Variants in CCDC93 observed in about 807,000 individuals in gnomAD.
The protein encoded by CCDC93 is coiled-coil domain-containing protein 93.
CCDC93 carries 61 observed loss-of-function variants against 108.2 expected under a neutral mutation model. That is an observed-to-expected ratio of 0.56 (90% CI 0.46 to 0.70). The LOEUF (loss-of-function observed/expected upper bound fraction) is 0.70, where lower values mean the gene tolerates loss of function less well. CCDC93 is among the 30% of genes least tolerant of loss of function. The pLI is 0.00. For synonymous variants in CCDC93, 276 were observed against 260.4 expected (o/e 1.06, Z -0.58); for missense variants, 685 against 764.2 (o/e 0.90, Z 1.22).
chr2:117,989,721 T>TA (rs1680420727), intron 6 of CCDC93, among the ~76,000 whole-genome samples: 1 of 152,212 alleles, frequency 6.6e-6, no homozygotes, highest in Non-Finnish European at 1.5e-5. Context: ...GCAGAGCTGT[T>TA]ACGAAAATAA....
chr2:117,965,135 CCCCTCCTGATTTTAGACCCCCAAA>C (rs1327012772), intron 11 of CCDC93, among the ~76,000 whole-genome samples: 1 of 151,700 alleles, frequency 6.6e-6, no homozygotes, highest in Non-Finnish European at 1.5e-5. Flanking sequence ...TAGACCCCCA[CCCCTCCTGATTTTAGACCCCCAAA>C]CCCTCCTGGG....
intron 11 of CCDC93, among the ~76,000 whole-genome samples, chr2:117,967,043 A>G (rs1679606484): frequency 6.6e-6 from 1 of 152,268 alleles, no homozygotes; most frequent in African/African-American, 2.4e-5. Context: ...CCCAGGCTGG[A>G]GTGCAGTGGC....
chr2:118,007,631 T>C (rs537885303), intron 2 of CCDC93, among the ~76,000 whole-genome samples: 67 of 152,310 alleles, frequency 4.4e-4, no homozygotes, highest in African/African-American at 1.4e-3. Context: ...ATTGAGCCAT[T>C]GCACTCCAGC....
Position 117,919,050 on chromosome 2 carries a change from A to G in CCDC93, c.*1293T>C, listed in dbSNP as rs1346937336. 6.6e-6 allele frequency: 1 copy of G among 152,194 alleles called. No individual in the cohort carries two copies. The highest frequency in any genetic ancestry group is 1.9e-4 in the East Asian group (1 of 5,190). The allele number at this position is 152,194 out of a possible 1,614,324, so 9.4% of individuals were successfully genotyped here. On this transcript the variant is annotated 3_prime_UTR_variant, in exon 24 of 24. Transcript: ENST00000376300. ...ACCTGCCACCTGGTATGTTTGCAAG[A>G]TTTATGCAAAATGGAGCACAAACCT...
intron 6 of CCDC93, among the ~76,000 whole-genome samples, chr2:117,993,213 G>A (rs912490046): frequency 3.9e-5 from 6 of 151,982 alleles, no homozygotes; most frequent in South Asian, 4.1e-4. Context: ...TGGCTAACAC[G>A]GTGAAACCCC....
chr2:117,924,438 C>G (rs915634043), intron 23 of CCDC93, among the ~76,000 whole-genome samples: 2 of 152,088 alleles, frequency 1.3e-5, no homozygotes, highest in Non-Finnish European at 2.9e-5. Context: ...CCTTAAAGGA[C>G]GTGATGGAGC....
At chr2:117,941,420 C>T in intron 18 of CCDC93, 123 bp from the exon 19 acceptor site, 1 of 684,930 alleles carries the variant, frequency 1.5e-6, no homozygotes, top group Non-Finnish European at 2.6e-6. Context: ...AATGCAGGCA[C>T]AAACTCCTGC....
chr2:117,977,876 C>T, intron 8 of CCDC93, 118 bp downstream of exon 8: 1 of 889,060 alleles, frequency 1.1e-6, no homozygotes, highest in Non-Finnish European at 1.8e-6. Flanking sequence ...CCAAAGGCAG[C>T]TCACACATCC....
At position 118,014,057 on chromosome 2, in the gene CCDC93, C is replaced by G; in HGVS notation, c.-62G>C. On this transcript the variant is annotated 5_prime_UTR_variant, in exon 1 of 24. Coordinates refer to ENST00000376300, the MANE Select transcript of CCDC93 (RefSeq NM_019044.5). ...CGCCAAGCGTCCGGAGGAAGCTGTC[C>G]CTGCCGCGGAGCTGCTACCGGGGTG... 4 of 1,566,394 alleles carry G rather than the reference C, an allele frequency of 2.6e-6. No homozygotes were observed. Among genetic ancestry groups the G allele is most frequent in the Non-Finnish European group, 3.5e-6 (4 of 1,156,216 alleles).
rs1323525163 is a variant in CCDC93, at chr2:117,919,572, T to G, written c.*771A>C. 1 of 152,238 alleles carries G rather than the reference T, an allele frequency of 6.6e-6. No individual in the cohort carries two copies. Among genetic ancestry groups the G allele is most frequent in the African/African-American group, 2.4e-5 (1 of 41,462 alleles). 9.4% of individuals were successfully genotyped at this position (152,238 alleles called of 1,614,324 possible). On this transcript the variant is annotated 3_prime_UTR_variant, in exon 24 of 24. Transcript: ENST00000376300. ...GGGGATGCACAGCCCCTCTGCATGCTGTGACTCACATGAACATTGGGGCAG... is the reference window on the plus strand; with the variant it reads ...GGGGATGCACAGCCCCTCTGCATGCGGTGACTCACATGAACATTGGGGCAG...
rs1558790936 is a variant in CCDC93 at position 117,975,180 on chromosome 2, C to T, written c.750+8G>A. The T allele has an allele frequency of 9.3e-6, 15 of 1,611,228 alleles. No homozygotes were observed. The highest frequency in any genetic ancestry group is 1.1e-5 in the Non-Finnish European group (13 of 1,177,584). On this transcript the variant is annotated splice_region_variant and intron_variant, in intron 9 of 23. Coordinates refer to ENST00000376300, the MANE Select transcript of CCDC93 (RefSeq NM_019044.5). ...AGAAACCTCAGAGGGCCTACATGGA[C>T]CACACACCTCTTCAGCTGCTCGAAG...
At position 117,991,719 on chromosome 2, in the gene CCDC93, C is replaced by T. The variant is rs141099722; in HGVS notation, c.519+3727G>A. Among the ~76,000 whole-genome samples, 554 of 152,264 alleles carry T rather than the reference C, an allele frequency of 3.6e-3. 6 individuals carry two copies. The highest frequency in any genetic ancestry group is 0.013 in the African/African-American group (534 of 41,560). On this transcript the variant is annotated intron_variant, in intron 6 of 23. Transcript: ENST00000376300. The stretch of plus-strand genomic sequence containing the variant: ...GCAGCTCCACACCTATTTTATAAAA[C>T]GCTGGGTCTAAAAACTAGGCATCTA...
Position 117,975,176 on chromosome 2 carries a change from T to G in CCDC93, c.750+12A>C. ...ACACAGAAACCTCAGAGGGCCTACA[T>G]GGACCACACACCTCTTCAGCTGCTC... On this transcript the variant is annotated intron_variant, in intron 9 of 23. Transcript: ENST00000376300. 3 of 1,609,962 alleles carry G rather than the reference T, an allele frequency of 1.9e-6. No individual in the cohort carries two copies. Among genetic ancestry groups the G allele is most frequent in the Non-Finnish European group, 2.5e-6 (3 of 1,176,498 alleles).
chr2:117,973,544 C>T (rs538784600), intron 11 of CCDC93, among the ~76,000 whole-genome samples: 100 of 152,126 alleles, frequency 6.6e-4, no homozygotes, highest in African/African-American at 2.4e-3. Flanking sequence ...TCCTAAGTGG[C>T]AAAGCTTCAT....
intron 7 of CCDC93, among the ~76,000 whole-genome samples, chr2:117,983,129 T>C (rs574738230): frequency 1.5e-4 from 23 of 152,328 alleles, no homozygotes; most frequent in African/African-American, 4.3e-4. Flanking sequence ...AGCAAGAGAC[T>C]GAAAATTAAA....
chr2:117,926,842 C>T (rs1340349163), intron 23 of CCDC93, among the ~76,000 whole-genome samples: 8 of 152,082 alleles, frequency 5.3e-5, no homozygotes, highest in East Asian at 1.9e-4. Context: ...ACCAATATCC[C>T]TGATGAACAT....
chr2:117,917,978 G>A lies in CCDC93; in HGVS notation c.*2365C>T, dbSNP rs893273535. 2 of 152,194 alleles carry A rather than the reference G, an allele frequency of 1.3e-5. No individual in the cohort carries two copies. The highest frequency in any genetic ancestry group is 1.9e-4 in the East Asian group (1 of 5,184). 9.4% of individuals were successfully genotyped at this position (152,194 alleles called of 1,614,324 possible). A position where few individuals can be genotyped will look rare whatever the true frequency, so the allele number is the denominator to read the frequency against. On this transcript the variant is annotated 3_prime_UTR_variant, in exon 24 of 24. Coordinates refer to ENST00000376300, the MANE Select transcript of CCDC93 (RefSeq NM_019044.5). ...GCATATTTTGAAAAAGTAACTTAAG[G>A]ATGTTCTTGCTTCCTTTTAACTCCG...
chr2:117,948,240 A>G (rs1424013321), intron 14 of CCDC93, 54 bp from the exon 15 acceptor site: 1 of 1,357,110 alleles, frequency 7.4e-7, no homozygotes, highest in Non-Finnish European at 1.0e-6. Context: ...GATTTTATGA[A>G]TCGCAGCTAA....
chr2:117,936,856 T>C, intron 20 of CCDC93, 117 bp from the exon 21 acceptor site: 2 of 797,040 alleles, frequency 2.5e-6, no homozygotes, highest in Middle Eastern at 2.3e-4. Context: ...ACACATGCCT[T>C]GTTTATGAAG....
Sources: allele counts gnomAD v4.1 joint callset (sites outside exome capture counted in the v4.1 genomes callset), GRCh38; gene constraint gnomAD v4.1.1; transcripts MANE v1.5; gene names NCBI Gene and HGNC (gene_info 2026-07-23, HGNC 2026-07-21).